SPON1: variants seen among roughly 807,000 people sequenced by gnomAD.
SPON1 encodes spondin-1.
SPON1 carries 52 observed loss-of-function variants against 111.7 expected under a neutral mutation model. The observed-to-expected ratio is 0.47, with a 90% CI of 0.37 to 0.59. The LOEUF (loss-of-function observed/expected upper bound fraction) is 0.59. Among genes scored for constraint, SPON1 ranks in the 20% least tolerant of loss-of-function variants. The pLI is 0.00. For missense variants in SPON1, 957 were observed against 1,068.5 expected (o/e 0.90, Z 1.46); for synonymous variants, 410 against 395.8 (o/e 1.04, Z -0.43).
intron 6 of SPON1, among the ~76,000 whole-genome samples, chr11:14,158,306 A>G (rs1847872789): frequency 6.6e-6 from 1 of 152,018 alleles, no homozygotes; most frequent in South Asian, 2.1e-4. Context: ...ATGGTTTCCA[A>G]TTTCCAATTT....
intron 3 of SPON1, among the ~76,000 whole-genome samples, chr11:14,056,107 C>T (rs782687754): frequency 9.2e-5 from 14 of 152,110 alleles, no homozygotes; most frequent in East Asian, 1.9e-4. Context: ...TTACTAATGA[C>T]GTTAGGCAAG....
intron 2 of SPON1, among the ~76,000 whole-genome samples, chr11:13,988,932 C>T (rs539098080): frequency 6.6e-6 from 1 of 152,258 alleles, no homozygotes; most frequent in Non-Finnish European, 1.5e-5. Flanking sequence ...TTTTGATGTG[C>T]TGCTGGATTT....
rs538052664 is a variant in SPON1 at position 14,240,002 on chromosome 11, CAAT to C, written c.826-3329_826-3327del. ...TCACATTTTGATCACTCCTATGACT[CAAT>C]GATACAGGAATCCTTGGATGTATGA... On this transcript the variant is annotated intron_variant, in intron 6 of 15. Transcript: ENST00000576479. 1.1e-4 allele frequency among the ~76,000 whole-genome samples: 17 copies of C among 152,278 alleles called. No individual in the cohort carries two copies. In the South Asian group the frequency reaches 3.5e-3, roughly 32 times the overall value.
At chr11:14,106,398 C>T (rs782382485) in intron 5 of SPON1, among the ~76,000 whole-genome samples, 1 of 152,096 alleles carries the variant, frequency 6.6e-6, no homozygotes. Context: ...CAAAATTCTG[C>T]CAAAGCTAGT....
Position 14,142,895 on chromosome 11 carries a change from T to A in SPON1, c.825+7327T>A, listed in dbSNP as rs11023108. On this transcript the variant is annotated intron_variant, in intron 6 of 15. Coordinates refer to ENST00000576479, the MANE Select transcript of SPON1 (RefSeq NM_006108.4). The stretch of plus-strand genomic sequence containing the variant: ...AAGCTGGAATTGGAAGGCATCAGGC[T>A]GAGACGACCACTAACTCTCTCTCCC... 4.1e-4 allele frequency among the ~76,000 whole-genome samples: 62 copies of A among 151,758 alleles called. 2 individuals carry two copies. The highest frequency in any genetic ancestry group is 2.2e-4 in the African/African-American group (9 of 41,336).
At chr11:14,218,326 T>C (rs1225772716) in intron 6 of SPON1, among the ~76,000 whole-genome samples, 1 of 152,084 alleles carries the variant, frequency 6.6e-6, no homozygotes, top group Non-Finnish European at 1.5e-5. Flanking sequence ...GTTTATGAAA[T>C]ACCTGGTGAG....
intron 6 of SPON1, among the ~76,000 whole-genome samples, chr11:14,181,107 C>G (rs1848231511): frequency 1.3e-5 from 2 of 152,142 alleles, no homozygotes; most frequent in African/African-American, 4.8e-5. Context: ...CTCCTATAGG[C>G]ATGAACTCCA....
At chr11:14,235,678 C>CAAAAAAAAAAAAAAAAAAAAAA (rs56925967) in intron 6 of SPON1, among the ~76,000 whole-genome samples, 3 of 71,384 alleles carry the variant, frequency 4.2e-5, no homozygotes, top group East Asian at 4.7e-4. Flanking sequence ...GACCCTGCCT[C>CAAAAAAAAAAAAAAAAAAAAAA]AAAAAAAAAA....
intron 2 of SPON1, among the ~76,000 whole-genome samples, chr11:14,038,956 TC>T: frequency 6.6e-6 from 1 of 152,306 alleles, no homozygotes; most frequent in Middle Eastern, 3.4e-3. Flanking sequence ...AAGATATCCT[TC>T]CGTAAGTGAG....
intron 6 of SPON1, among the ~76,000 whole-genome samples, chr11:14,136,560 C>T (rs542265823): frequency 2.6e-5 from 4 of 152,180 alleles, no homozygotes; most frequent in Admixed American, 6.5e-5. Context: ...AGCTGAGGCC[C>T]GCAGTGTTCC....
At chr11:14,258,118 CCTT>C (rs1373996559) in intron 11 of SPON1, among the ~76,000 whole-genome samples, 3 of 152,240 alleles carry the variant, frequency 2.0e-5, no homozygotes, top group African/African-American at 7.2e-5. Flanking sequence ...ACCACCCCCT[CCTT>C]CTTTTACTGA....
At chr11:14,131,156 T>C (rs894798612) in intron 5 of SPON1, among the ~76,000 whole-genome samples, 1 of 152,186 alleles carries the variant, frequency 6.6e-6, no homozygotes, top group Non-Finnish European at 1.5e-5. Flanking sequence ...TCTTTGTTTC[T>C]AGAGTCCATC....
chr11:14,091,585 A>G (rs1849058093), intron 5 of SPON1, among the ~76,000 whole-genome samples: 1 of 152,126 alleles, frequency 6.6e-6, no homozygotes, highest in African/African-American at 2.4e-5. Flanking sequence ...TAAGTCCCTC[A>G]TTGCCCGGGG....
At chr11:14,238,031 A>C (rs1848885887) in intron 6 of SPON1, among the ~76,000 whole-genome samples, 1 of 152,208 alleles carries the variant, frequency 6.6e-6, no homozygotes, top group Admixed American at 6.5e-5. Context: ...GGCCAAATAA[A>C]TGTGTTTCTG....
chr11:14,129,823 C>T (rs1040109494), intron 5 of SPON1, among the ~76,000 whole-genome samples: 1 of 152,150 alleles, frequency 6.6e-6, no homozygotes, highest in South Asian at 2.1e-4. Context: ...AGGAAACTTA[C>T]AATCATGGCA....
intron 7 of SPON1, among the ~76,000 whole-genome samples, chr11:14,250,949 G>A (rs1345599613): frequency 6.6e-6 from 1 of 152,144 alleles, no homozygotes; most frequent in African/African-American, 2.4e-5. Flanking sequence ...AGAATCCATG[G>A]CATGCCAAGT....
intron 5 of SPON1, among the ~76,000 whole-genome samples, chr11:14,097,122 GA>G (rs1248662028): frequency 6.6e-6 from 1 of 152,110 alleles, no homozygotes; most frequent in Non-Finnish European, 1.5e-5. Flanking sequence ...GCTAAACTCA[GA>G]CGCCAATCCA....
chr11:14,013,708 T>C (rs1554913972), intron 2 of SPON1, among the ~76,000 whole-genome samples: 1 of 152,196 alleles, frequency 6.6e-6, no homozygotes, highest in Non-Finnish European at 1.5e-5. Context: ...AGAGGAAATC[T>C]GGCTCACTAG....
chr11:14,184,584 A>G (rs1324223231), intron 6 of SPON1, among the ~76,000 whole-genome samples: 2 of 152,158 alleles, frequency 1.3e-5, no homozygotes, highest in African/African-American at 4.8e-5. Flanking sequence ...AGTAAATGTC[A>G]CCTTGGGAGT....
Sources: allele counts gnomAD v4.1 joint callset (sites outside exome capture counted in the v4.1 genomes callset), GRCh38; gene constraint gnomAD v4.1.1; transcripts MANE v1.5; gene names NCBI Gene and HGNC (gene_info 2026-07-23, HGNC 2026-07-21).